The following NBPF11 variants were observed in gnomAD, a reference collection of about 807,000 sequenced individuals.
NBPF11 encodes NBPF member 11.
NBPF11 carries 72 observed loss-of-function variants against 93.9 expected under a neutral mutation model. That is an observed-to-expected ratio of 0.77 (90% CI 0.63 to 0.93). The LOEUF (loss-of-function observed/expected upper bound fraction) is 0.93. Among genes scored for constraint, NBPF11 ranks in the 40% least tolerant of loss-of-function variants. NBPF11 has a pLI of 0.00. For missense variants in NBPF11, 705 were observed against 802.2 expected (o/e 0.88, Z 1.46); for synonymous variants, 224 against 304.9 (o/e 0.73, Z 2.76).
chr1:148,149,725 G>A (rs1205065818), intron 1 of NBPF11, among the ~76,000 whole-genome samples: 5 of 150,862 alleles, frequency 3.3e-5, no homozygotes, highest in South Asian at 2.1e-4. Context: ...ACAGAGCTAC[G>A]CACTCCTTTC....
intron 3 of NBPF11, among the ~76,000 whole-genome samples, chr1:148,136,202 T>C (rs1227919774): frequency 6.6e-6 from 1 of 151,930 alleles, no homozygotes; most frequent in Non-Finnish European, 1.5e-5. Flanking sequence ...ACCTATTCTA[T>C]GACTCAGTAA....
chr1:148,121,253 A>G, intron 9 of NBPF11, among the ~76,000 whole-genome samples: 1 of 151,598 alleles, frequency 6.6e-6, no homozygotes, highest in Non-Finnish European at 1.5e-5. Flanking sequence ...CATCTTGGAC[A>G]GGCTGGTTTC....
chr1:148,118,232 C>G (rs1249628186), intron 11 of NBPF11, among the ~76,000 whole-genome samples: 1 of 151,280 alleles, frequency 6.6e-6, no homozygotes, highest in African/African-American at 2.4e-5. Flanking sequence ...GAGAAGGCAA[C>G]ATTGATTGAG....
intron 1 of NBPF11, among the ~76,000 whole-genome samples, chr1:148,146,106 G>C (rs1440208412): frequency 6.6e-6 from 1 of 151,840 alleles, no homozygotes; most frequent in East Asian, 1.9e-4. Flanking sequence ...ACGGGCGGGC[G>C]GCCGGGAGCC....
intron 23 of NBPF11, among the ~76,000 whole-genome samples, chr1:148,104,171 G>A (rs1393835933): frequency 3.5e-5 from 5 of 144,494 alleles, no homozygotes; most frequent in Admixed American, 7.0e-5. Context: ...CTAGTGAATT[G>A]GCCAGGTGAC....
intron 10 of NBPF11, among the ~76,000 whole-genome samples, chr1:148,119,809 C>T (rs1667415704): frequency 6.6e-6 from 1 of 151,936 alleles, no homozygotes; most frequent in African/African-American, 2.4e-5. Flanking sequence ...TCACCTGCCA[C>T]CACGCCCATC....
chr1:148,111,186 C>A (rs1457488026), intron 15 of NBPF11, among the ~76,000 whole-genome samples: 2 of 151,904 alleles, frequency 1.3e-5, no homozygotes, highest in African/African-American at 4.8e-5. Context: ...AAAACTAACA[C>A]ACAGAAAGGG....
intron 4 of NBPF11, among the ~76,000 whole-genome samples, chr1:148,132,580 G>A (rs1242173862): frequency 1.3e-4 from 19 of 149,502 alleles, no homozygotes; most frequent in African/African-American, 4.2e-4. Flanking sequence ...ATCAATTTAC[G>A]AAGAACTGAC....
chr1:148,136,634 G>A lies in NBPF11; in HGVS notation c.-177-821C>T, dbSNP rs1299029141. On this transcript the variant is annotated intron_variant, in intron 3 of 23. Coordinates refer to ENST00000682118, the MANE Select transcript of NBPF11 (RefSeq NM_001385469.3). Reference sequence around the variant, plus strand: ...TGGATCCTTACTAAGAAACTCCTGCGGGATTTTGCCCAGCTCCATTTCCAA... The same window carrying A: ...TGGATCCTTACTAAGAAACTCCTGCAGGATTTTGCCCAGCTCCATTTCCAA... Among the ~76,000 whole-genome samples the A allele has an allele frequency of 5.8e-3, 879 of 151,678 alleles. 6 individuals carry two copies. Among genetic ancestry groups the A allele is most frequent in the Non-Finnish European group, 9.2e-3 (628 of 68,020 alleles).
chr1:148,126,942 T>C lies in NBPF11; in HGVS notation c.62A>G (p.Asn21Ser). ...EKAEMNILEINEKLRPQLAEN... is the reference protein window; with the variant it reads ...EKAEMNILEISEKLRPQLAEN... The stretch of plus-strand genomic sequence containing the variant: ...TGCCAACTGGGGGCGCAATTTCTCG[T>C]TGATTTCTAGAATGTTCATCTCTGC... The change falls in exon 5 of 24, where the codon AAC becomes AGC. Residue 21 changes from asparagine to serine, a missense_variant. This residue lies in a region of NBPF11 where 128 missense variants were observed against 112.8 expected (regional missense o/e 1.14). Coordinates refer to ENST00000682118, the MANE Select transcript of NBPF11 (RefSeq NM_001385469.3). The C allele has an allele frequency of 6.2e-6, 6 of 969,586 alleles. No individual in the cohort carries two copies. The highest frequency in any genetic ancestry group is 4.9e-5 in the East Asian group (2 of 41,066). The allele number at this position is 969,586 out of a possible 1,614,324, so 60.1% of individuals were successfully genotyped here. A position where few individuals can be genotyped will look rare whatever the true frequency, so the allele number is the denominator to read the frequency against.
rs1436403351 is a variant in NBPF11 at position 148,147,670 on chromosome 1, G to A, written c.-548-3984C>T. Among the ~76,000 whole-genome samples the A allele has an allele frequency of 3.9e-5, 6 of 152,000 alleles. No homozygotes were observed. In the East Asian group the frequency reaches 9.6e-4, roughly 24 times the overall value. ...CAGGGACCAGGCACAGCTCTGAGAAGTCAGAGGCCCTAGGGAGGTGGGGTC... is the reference window on the plus strand; with the variant it reads ...CAGGGACCAGGCACAGCTCTGAGAAATCAGAGGCCCTAGGGAGGTGGGGTC... On this transcript the variant is annotated intron_variant, in intron 1 of 23. Coordinates refer to ENST00000682118, the MANE Select transcript of NBPF11 (RefSeq NM_001385469.3).
Position 148,145,496 on chromosome 1 carries a change from C to T in NBPF11, c.-548-1810G>A, listed in dbSNP as rs1424899727. Among the ~76,000 whole-genome samples, 151 of 146,528 alleles carry T rather than the reference C, an allele frequency of 1.0e-3. 1 individual carries two copies. The highest frequency in any genetic ancestry group is 3.5e-3 in the African/African-American group (138 of 39,302). ...CAGTGCTGGGATTACAGGCATGAGC[C>T]ACCGCACCTGGCCAGGCATTGATTT... On this transcript the variant is annotated intron_variant, in intron 1 of 23. Transcript: ENST00000682118.
Position 148,102,580 on chromosome 1 carries a change from G to A in NBPF11, c.*1316C>T, listed in dbSNP as rs878867339. 489 of 149,596 alleles carry A rather than the reference G, an allele frequency of 3.3e-3. 16 individuals are homozygous for A. Among genetic ancestry groups the A allele is most frequent in the African/African-American group, 0.011 (447 of 39,088 alleles). The allele number at this position is 149,596 out of a possible 1,614,324, so 9.3% of individuals were successfully genotyped here. ...ACAGCATTGTCTCTGCAGTGTTCCCGTCAAAAAGTTTAGGCTGAATTTAAT... is the reference window on the plus strand; with the variant it reads ...ACAGCATTGTCTCTGCAGTGTTCCCATCAAAAAGTTTAGGCTGAATTTAAT... On this transcript the variant is annotated 3_prime_UTR_variant, in exon 24 of 24. Coordinates refer to ENST00000682118, the MANE Select transcript of NBPF11 (RefSeq NM_001385469.3).
intron 23 of NBPF11, among the ~76,000 whole-genome samples, 175 bp downstream of exon 23, chr1:148,104,362 A>T (rs1663020872): frequency 6.8e-6 from 1 of 147,442 alleles, no homozygotes; most frequent in South Asian, 2.1e-4. Context: ...GTAAATGATA[A>T]GGGGAGGAAG....
At chr1:148,123,696 A>G (rs1437649515) in intron 7 of NBPF11, among the ~76,000 whole-genome samples, 157 bp downstream of exon 7, 1 of 152,002 alleles carries the variant, frequency 6.6e-6, no homozygotes, top group Non-Finnish European at 1.5e-5. Context: ...TGGGTTTCCC[A>G]TTTCTGTTCT....
At chr1:148,109,407 C>T (rs1435502058) in intron 16 of NBPF11, 72 bp from the exon 17 acceptor site, 99 of 907,552 alleles carry the variant, frequency 1.1e-4, no homozygotes, top group Non-Finnish European at 1.7e-4. Context: ...TTCCTCTGTC[C>T]AATCCTAACA....
At chr1:148,118,260 G>T (rs77962526) in intron 11 of NBPF11, among the ~76,000 whole-genome samples, 1 of 151,758 alleles carries the variant, frequency 6.6e-6, no homozygotes, top group Non-Finnish European at 1.5e-5. Flanking sequence ...ATGAGAAGCC[G>T]CAGTCAGTCA....
Position 148,132,627 on chromosome 1 carries a change from G to T in NBPF11, c.-36+3045C>A, listed in dbSNP as rs1171281578. Reference sequence around the variant, plus strand: ...AACAACTCTTCTGATCCATGACAAGGTTTATCTCCCCACTAATTTAGTTCT... The same window carrying T: ...AACAACTCTTCTGATCCATGACAAGTTTTATCTCCCCACTAATTTAGTTCT... On this transcript the variant is annotated intron_variant, in intron 4 of 23. Transcript: ENST00000682118. 2.8e-5 allele frequency among the ~76,000 whole-genome samples: 4 copies of T among 144,062 alleles called. No homozygotes were observed. The East Asian group carries it at 8.3e-4, about 30-fold the overall frequency. The allele number at this position is 144,062 out of a possible 152,430, so 94.5% of individuals were successfully genotyped here.
intron 21 of NBPF11, among the ~76,000 whole-genome samples, chr1:148,105,858 C>A (rs1663471672): frequency 7.2e-6 from 1 of 139,392 alleles, no homozygotes; most frequent in East Asian, 2.1e-4. Context: ...TGAGTTAGTG[C>A]CCTCAGGACA....
Sources: allele counts gnomAD v4.1 joint callset (sites outside exome capture counted in the v4.1 genomes callset), GRCh38; gene constraint gnomAD v4.1.1; regional missense constraint gnomAD v4.1.1; transcripts MANE v1.5; gene names NCBI Gene and HGNC (gene_info 2026-07-23, HGNC 2026-07-21).